Variants in SLC18A1 observed in about 807,000 individuals in gnomAD.
SLC18A1 encodes the protein solute carrier family 18 member A1.
SLC18A1 carries 69 observed loss-of-function variants against 53.7 expected under a neutral mutation model. The ratio of observed to expected loss-of-function variants is 1.28; its 90% CI spans 1.06 to 1.57. The LOEUF (loss-of-function observed/expected upper bound fraction) is 1.57, where lower values mean the gene tolerates loss of function less well. SLC18A1 is among the 40% of genes most tolerant of loss of function. The probability of loss-of-function intolerance (pLI) is 0.00; values close to 1 mark genes in which losing one functional copy is unlikely to be tolerated. For synonymous variants in SLC18A1, 320 were observed against 248.1 expected (o/e 1.29, Z -2.72); for missense variants, 932 against 668.1 (o/e 1.40, Z -4.35).
At position 20,181,027 on chromosome 8, in the gene SLC18A1, A is replaced by C; in HGVS notation, c.-63T>G. On this transcript the variant is annotated 5_prime_UTR_variant, in exon 2 of 16. Transcript: ENST00000276373. The stretch of plus-strand genomic sequence containing the variant: ...TCTTAGGGAAGGTCCTGTGACAGCT[A>C]CAGGTCTCCTGCAGCCTTTATGGAA... 1 of 1,525,048 alleles carries C rather than the reference A, an allele frequency of 6.6e-7. No homozygotes were observed. The highest frequency in any genetic ancestry group is 8.8e-7 in the Non-Finnish European group (1 of 1,130,784). The allele number at this position is 1,525,048 out of a possible 1,614,324, so 94.5% of individuals were successfully genotyped here.
intron 10 of SLC18A1, among the ~76,000 whole-genome samples, chr8:20,163,624 C>A (rs748916142): frequency 7.2e-5 from 11 of 152,160 alleles, no homozygotes; most frequent in Non-Finnish European, 1.5e-4. Flanking sequence ...GGTGTGATCA[C>A]TGACCAGCTA....
At chr8:20,147,838 C>A in intron 13 of SLC18A1, 116 bp from the exon 14 acceptor site, 2 of 1,498,300 alleles carry the variant, frequency 1.3e-6, no homozygotes, top group Non-Finnish European at 1.8e-6. Context: ...CGGACTAACA[C>A]CTGTTCCAGG....
At chr8:20,175,522 T>A (rs1051987800) in intron 4 of SLC18A1, 1 of 152,226 alleles carries the variant, frequency 6.6e-6, no homozygotes, top group Non-Finnish European at 1.5e-5. Context: ...TTTGGGGAAC[T>A]AATAAATGTC....
intron 1 of SLC18A1, among the ~76,000 whole-genome samples, chr8:20,181,342 T>C (rs2072424355): frequency 6.6e-6 from 1 of 152,234 alleles, no homozygotes; most frequent in South Asian, 2.1e-4. Flanking sequence ...CCCTGTGTTT[T>C]TCAAACATCC....
chr8:20,179,217 A>G lies in SLC18A1; in HGVS notation c.392T>C (p.Phe131Ser). The change falls in exon 3 of 16, where the codon TTC becomes TCC. Residue 131 changes from phenylalanine (F) to serine (S), a missense_variant. Physicochemically the swap from Phe to Ser is radical, Grantham distance 155. Transcript: ENST00000276373. ...GACCCGGGTAATCTCTTCCTCCAAG[A>G]AACCTGTGCCTTGCAAGCAGTTGTT... is the stretch of plus-strand genomic sequence containing the variant. ...HKNNCLQGTG[F>S]LEEEITRVGV... 6.2e-7 allele frequency: 1 copy of G among 1,614,176 alleles called. No homozygotes were observed. The highest frequency in any genetic ancestry group is 8.5e-7 in the Non-Finnish European group (1 of 1,180,036).
At chr8:20,179,514 G>A (rs201081817) in intron 2 of SLC18A1, 30 bp from the exon 3 acceptor site, 1,035 of 1,581,148 alleles carry the variant, frequency 6.5e-4, no homozygotes, top group Non-Finnish European at 6.9e-4. Flanking sequence ...GGTGATGGGG[G>A]CTAAGGACCG....
chr8:20,165,416 G>A (rs1563749239), intron 8 of SLC18A1, among the ~76,000 whole-genome samples: 1 of 152,100 alleles, frequency 6.6e-6, no homozygotes, highest in East Asian at 1.9e-4. Context: ...TTGGTAGCAA[G>A]GTCAGGGTTG....
chr8:20,180,017 C>T (rs549234752), intron 2 of SLC18A1, among the ~76,000 whole-genome samples: 1 of 152,016 alleles, frequency 6.6e-6, no homozygotes, highest in African/African-American at 2.4e-5. Flanking sequence ...GTGGAGAGGC[C>T]TTGGGCAAGT....
chr8:20,173,108 CA>C lies in SLC18A1; in HGVS notation c.651del (p.Ser217ArgfsTer33). ...CCTCTCTCATGGTCATCAGTGTAGA[CA>C]CTGGCCAGCATTCCAAGACCTGCGC... ...SSVAGLGMLA[S>X]VYTDDHERGR... On this transcript the variant is annotated frameshift_variant, in exon 6 of 16. Transcript: ENST00000276373. LOFTEE classifies it high-confidence loss of function. The C allele has an allele frequency of 6.3e-7, 1 of 1,575,662 alleles. No homozygotes were observed.
chr8:20,165,081 C>T lies in SLC18A1; in HGVS notation c.885G>A (p.Met295Ile), dbSNP rs148888686. 9.9e-6 allele frequency: 16 copies of T among 1,614,208 alleles called. No individual in the cohort carries two copies. The African/African-American group carries it at 1.5e-4, about 15-fold the overall frequency. Residue 295 changes from methionine to isoleucine, a missense_variant, in exon 9 of 16, where the codon ATG (methionine) becomes ATA (isoleucine). Coordinates refer to ENST00000276373, the MANE Select transcript of SLC18A1 (RefSeq NM_003053.4). ...CCAGGATGTAAGGGTCTTTGAGAAG[C>T]ATAAAGAGGGGAGTCCCCTTGGCAC... ...PESAKGTPLF[M>I]LLKDPYILVA...
chr8:20,157,369 C>G (rs144023581), intron 10 of SLC18A1, among the ~76,000 whole-genome samples: 3 of 152,222 alleles, frequency 2.0e-5, no homozygotes, highest in Admixed American at 6.5e-5. Flanking sequence ...AGGGTGACAA[C>G]AGAGGAAAGA....
At chr8:20,155,526 C>T (rs906187577) in intron 10 of SLC18A1, among the ~76,000 whole-genome samples, 7 of 152,152 alleles carry the variant, frequency 4.6e-5, no homozygotes, top group South Asian at 2.1e-4. Flanking sequence ...TCCCAAACTC[C>T]GGGCATTGAT....
intron 4 of SLC18A1, among the ~76,000 whole-genome samples, chr8:20,177,187 T>C (rs1375178495): frequency 1.3e-5 from 2 of 152,246 alleles, no homozygotes. Flanking sequence ...TTCTTCATTT[T>C]CTTCAAGTCC....
At chr8:20,151,147 G>GTTTTTTTT (rs11345261) in intron 10 of SLC18A1, among the ~76,000 whole-genome samples, 1 of 138,594 alleles carries the variant, frequency 7.2e-6, no homozygotes. Flanking sequence ...GTTTTTTTTT[G>GTTTTTTTT]TTTTTTTTTT....
chr8:20,168,843 A>T (rs763378509), intron 8 of SLC18A1, among the ~76,000 whole-genome samples: 8 of 152,234 alleles, frequency 5.3e-5, no homozygotes, highest in Non-Finnish European at 1.2e-4. Context: ...TATTCCTTAC[A>T]GCAAAGTGCC....
Position 20,147,245 on chromosome 8 carries a change from C to A in SLC18A1, c.1464+13G>T. The A allele has an allele frequency of 6.3e-7, 1 of 1,584,898 alleles. No homozygotes were observed. Among genetic ancestry groups the A allele is most frequent in the South Asian group, 1.2e-5 (1 of 85,774 alleles). On this transcript the variant is annotated intron_variant, in intron 15 of 15. Coordinates refer to ENST00000276373, the MANE Select transcript of SLC18A1 (RefSeq NM_003053.4). Reference sequence around the variant, plus strand: ...AGAAGTGAATTTCTCTTTTAACAGTCGGTGCTCCTTACAAGCTTCTCTTCC... The same window carrying A: ...AGAAGTGAATTTCTCTTTTAACAGTAGGTGCTCCTTACAAGCTTCTCTTCC...
At chr8:20,173,184 C>T in intron 5 of SLC18A1, 56 bp from the exon 6 acceptor site, 1 of 1,333,320 alleles carries the variant, frequency 7.5e-7, no homozygotes, top group Non-Finnish European at 1.0e-6. Context: ...ATCCGCCTCT[C>T]AGAGCCCTTG....
Position 20,168,655 on chromosome 8 carries a change from G to A in SLC18A1, c.858+2448C>T, listed in dbSNP as rs186784227. On this transcript the variant is annotated intron_variant, in intron 8 of 15. Transcript: ENST00000276373. ...AGTGCAGTGGCTTACTGCAACCTCC[G>A]CCTCCTAGGTTCAAGGGATTCTATT... is the stretch of plus-strand genomic sequence containing the variant. 5.2e-4 allele frequency among the ~76,000 whole-genome samples: 78 copies of A among 151,448 alleles called. 1 individual carries two copies. Among genetic ancestry groups the A allele is most frequent in the Admixed American group, 5.0e-3 (76 of 15,262 alleles).
intron 1 of SLC18A1, among the ~76,000 whole-genome samples, chr8:20,181,411 A>G (rs1030618543): frequency 2.6e-5 from 4 of 152,096 alleles, no homozygotes; most frequent in African/African-American, 9.7e-5. Flanking sequence ...TACCTGTACT[A>G]TCATTTACTT....
Sources: gnomAD v4.1 joint callset for allele counts (sites outside exome capture counted in the v4.1 genomes callset) on GRCh38, gnomAD v4.1.1 for gene constraint, MANE v1.5 for transcripts, NCBI Gene and HGNC (gene_info 2026-07-23, HGNC 2026-07-21) for gene names.